TTC27: variants seen among roughly 807,000 people sequenced by gnomAD.
TTC27 encodes tetratricopeptide repeat domain 27.
In TTC27, 79 loss-of-function variants were observed where a neutral mutation model predicts 115.9. The observed-to-expected ratio is 0.68, with a 90% CI of 0.57 to 0.82. The LOEUF is 0.82. TTC27 is among the 40% of genes least tolerant of loss of function. The pLI is 0.00. For synonymous variants in TTC27, 401 were observed against 356.0 expected (o/e 1.13, Z -1.42); for missense variants, 1,054 against 993.1 (o/e 1.06, Z -0.82).
chr2:32,771,967 A>T (rs112071209), intron 13 of TTC27, among the ~76,000 whole-genome samples: 1 of 152,224 alleles, frequency 6.6e-6, no homozygotes, highest in Non-Finnish European at 1.5e-5. Flanking sequence ...ACAGTTGATC[A>T]TATGAGGGAA....
At chr2:32,637,171 T>C (rs973120332) in intron 3 of TTC27, among the ~76,000 whole-genome samples, 1 of 152,228 alleles carries the variant, frequency 6.6e-6, no homozygotes. Flanking sequence ...GTATACCATG[T>C]GCTGTCTCCC....
At chr2:32,709,993 G>T (rs1374620059) in intron 10 of TTC27, among the ~76,000 whole-genome samples, 1 of 152,118 alleles carries the variant, frequency 6.6e-6, no homozygotes, top group African/African-American at 2.4e-5. Flanking sequence ...GTCTGTTGTT[G>T]TTAAAGCTTC....
intron 16 of TTC27, among the ~76,000 whole-genome samples, chr2:32,791,522 A>T (rs1028383112): frequency 3.9e-5 from 6 of 152,172 alleles, no homozygotes; most frequent in Non-Finnish European, 7.3e-5. Context: ...AAACCCAGAG[A>T]GCTTATATAA....
At chr2:32,753,805 C>T (rs1385750143) in intron 12 of TTC27, among the ~76,000 whole-genome samples, 1 of 152,120 alleles carries the variant, frequency 6.6e-6, no homozygotes, top group African/African-American at 2.4e-5. Flanking sequence ...GTGGCTCACA[C>T]CTGTAATCCC....
intron 12 of TTC27, among the ~76,000 whole-genome samples, chr2:32,748,152 G>A (rs1668891445): frequency 6.6e-6 from 1 of 151,622 alleles, no homozygotes; most frequent in African/African-American, 2.4e-5. Flanking sequence ...GCATATTTTG[G>A]TTTTGGTTTT....
At chr2:32,804,397 A>T (rs1305970335) in intron 16 of TTC27, among the ~76,000 whole-genome samples, 2 of 152,194 alleles carry the variant, frequency 1.3e-5, no homozygotes, top group Non-Finnish European at 2.9e-5. Flanking sequence ...AGGCACAAAG[A>T]TATGCACTAA....
In TTC27 at chr2:32,628,777, A is replaced by ATTTATTTT. The variant is rs546996839; in HGVS notation, c.88+399_88+400insTATTTTTT. On this transcript the variant is annotated intron_variant, in intron 1 of 19. Coordinates refer to ENST00000317907, the MANE Select transcript of TTC27 (RefSeq NM_017735.5). ...TATTTATTTATTTATTTATTTATTT[A>ATTTATTTT]TTGAGACGGAGTTTTGCTTTTTGCC... is the stretch of plus-strand genomic sequence containing the variant. Among the ~76,000 whole-genome samples the ATTTATTTT allele has an allele frequency of 5.8e-3, 836 of 143,976 alleles. 5 individuals carry two copies. The highest frequency in any genetic ancestry group is 0.017 in the Middle Eastern group (5 of 292). 94.5% of individuals were successfully genotyped at this position (143,976 alleles called of 152,430 possible). A position where few individuals can be genotyped will look rare whatever the true frequency, so the allele number is the denominator to read the frequency against.
chr2:32,737,393 C>CTTTAAAA (rs1668483383), intron 12 of TTC27, among the ~76,000 whole-genome samples: 1 of 152,048 alleles, frequency 6.6e-6, no homozygotes, highest in Non-Finnish European at 1.5e-5. Context: ...CATTGTTAGT[C>CTTTAAAA]ACTTTAAAAA....
Position 32,630,566 on chromosome 2 carries a change from A to G in TTC27, c.132A>G (p.Glu44=). Reference sequence around the variant, plus strand: ...AATTGCTACTGGAAGGGAACTATGAAGCCATATTCTTAAATTCAATGACTC... The same window carrying G: ...AATTGCTACTGGAAGGGAACTATGAGGCCATATTCTTAAATTCAATGACTC... ...FLQLLLEGNY[E]AIFLNSMTQN... The change falls in exon 2 of 20, where the codon GAA becomes GAG. Residue 44 remains glutamate, a synonymous_variant. Coordinates refer to ENST00000317907, the MANE Select transcript of TTC27 (RefSeq NM_017735.5). 2 of 1,612,618 alleles carry G rather than the reference A, an allele frequency of 1.2e-6. No homozygotes were observed. The highest frequency in any genetic ancestry group is 1.7e-6 in the Non-Finnish European group (2 of 1,179,342).
At chr2:32,773,360 T>C (rs887451219) in intron 13 of TTC27, among the ~76,000 whole-genome samples, 3 of 152,240 alleles carry the variant, frequency 2.0e-5, no homozygotes, top group Non-Finnish European at 2.9e-5. Flanking sequence ...TTTGTCCACC[T>C]GACTAGCCCA....
At chr2:32,765,247 G>A (rs1046274319) in intron 13 of TTC27, among the ~76,000 whole-genome samples, 1 of 152,172 alleles carries the variant, frequency 6.6e-6, no homozygotes, top group Non-Finnish European at 1.5e-5. Flanking sequence ...TGGCTGCGGA[G>A]TGGTTGTTGT....
chr2:32,729,876 T>G (rs1366914149), intron 10 of TTC27, among the ~76,000 whole-genome samples: 1 of 152,124 alleles, frequency 6.6e-6, no homozygotes, highest in African/African-American at 2.4e-5. Flanking sequence ...TCATACCACT[T>G]TTTACTTATG....
intron 18 of TTC27, among the ~76,000 whole-genome samples, chr2:32,815,939 C>A (rs1003051871): frequency 1.3e-5 from 2 of 152,138 alleles, no homozygotes; most frequent in Admixed American, 1.3e-4. Context: ...TTCTTGCTGG[C>A]CTTGGAAGAT....
rs1226673293 is a variant in TTC27, at chr2:32,814,252, T to G, written c.2308+1637T>G. On this transcript the variant is annotated intron_variant, in intron 18 of 19. Transcript: ENST00000317907. ...GAGATACTCTAGGAAAAATCTTTAT[T>G]TTGCATCTTAAAGTTGGGTTTAAAC... Among the ~76,000 whole-genome samples the G allele has an allele frequency of 2.6e-5, 4 of 152,302 alleles. No homozygotes were observed. The East Asian group carries it at 7.7e-4, about 29-fold the overall frequency.
chr2:32,655,424 G>T (rs1180569118), intron 5 of TTC27, among the ~76,000 whole-genome samples: 1 of 152,146 alleles, frequency 6.6e-6, no homozygotes, highest in Non-Finnish European at 1.5e-5. Flanking sequence ...GGAATTAAAG[G>T]CATAAGCCAC....
intron 16 of TTC27, among the ~76,000 whole-genome samples, chr2:32,799,367 T>C (rs1325372274): frequency 1.3e-5 from 2 of 152,146 alleles, no homozygotes; most frequent in African/African-American, 4.8e-5. Context: ...CATTTAAAAA[T>C]GGTTAAGATT....
At chr2:32,736,664 G>A in intron 11 of TTC27, 30 bp from the exon 12 acceptor site, 1 of 1,613,170 alleles carries the variant, frequency 6.2e-7, no homozygotes, top group South Asian at 1.1e-5. Flanking sequence ...ACACCAAGAA[G>A]TATTAATTAT....
intron 12 of TTC27, among the ~76,000 whole-genome samples, chr2:32,757,646 A>C (rs1200720998): frequency 1.3e-5 from 2 of 152,136 alleles, no homozygotes; most frequent in African/African-American, 4.8e-5. Context: ...TTTTAGACAA[A>C]ATGCTATTGC....
intron 5 of TTC27, 124 bp downstream of exon 5, chr2:32,650,357 T>G: frequency 4.1e-6 from 1 of 243,420 alleles, no homozygotes. Flanking sequence ...TTGTTTCTTT[T>G]TTTTTTTTTT....
Sources: gnomAD v4.1 joint callset for allele counts (sites outside exome capture counted in the v4.1 genomes callset) on GRCh38, gnomAD v4.1.1 for gene constraint, MANE v1.5 for transcripts, NCBI Gene and HGNC (gene_info 2026-07-23, HGNC 2026-07-21) for gene names.